The following PLPP3 variants were observed in gnomAD, a reference collection of about 807,000 sequenced individuals.
PLPP3 encodes the protein phospholipid phosphatase 3, also known as PAP2 beta.
Under a neutral mutation model 29.6 loss-of-function variants are expected in PLPP3, and 6 were observed. The observed-to-expected ratio is 0.20, with a 90% CI of 0.11 to 0.40. The LOEUF (loss-of-function observed/expected upper bound fraction) is 0.40. PLPP3 is among the 10% of genes least tolerant of loss of function. PLPP3 has a pLI of 1.00. For synonymous variants in PLPP3, 152 were observed against 159.7 expected, an observed-to-expected ratio of 0.95 and a Z score of 0.36; for missense variants, 308 against 407.7, an observed-to-expected ratio of 0.76 and a Z score of 2.11.
intron 5 of PLPP3, among the ~76,000 whole-genome samples, chr1:56,509,610 C>T (rs1386589349): frequency 7.2e-5 from 11 of 152,040 alleles, no homozygotes; most frequent in African/African-American, 2.4e-5. Flanking sequence ...GAGGCTGAGG[C>T]GGGCGGATCA....
chr1:56,525,580 T>C (rs1645847644), intron 2 of PLPP3, among the ~76,000 whole-genome samples: 1 of 152,116 alleles, frequency 6.6e-6, no homozygotes, highest in African/African-American at 2.4e-5. Context: ...TGATGTTCTG[T>C]AAGGTAAATG....
chr1:56,501,448 A>C (rs1484730140), intron 5 of PLPP3, among the ~76,000 whole-genome samples: 1 of 152,110 alleles, frequency 6.6e-6, no homozygotes, highest in Non-Finnish European at 1.5e-5. Context: ...ACTTTTATCT[A>C]ATTCCAAGAC....
At chr1:56,540,518 T>G (rs919120308) in intron 1 of PLPP3, among the ~76,000 whole-genome samples, 14 of 152,158 alleles carry the variant, frequency 9.2e-5, no homozygotes, top group African/African-American at 3.4e-4. Context: ...CTGAGAACAG[T>G]CCAAATCCTT....
chr1:56,526,606 G>A (rs1395864115), intron 2 of PLPP3, among the ~76,000 whole-genome samples: 1 of 152,012 alleles, frequency 6.6e-6, no homozygotes, highest in Non-Finnish European at 1.5e-5. Flanking sequence ...TTTTATGCAG[G>A]AGGAAGAGCA....
Position 56,579,552 on chromosome 1 carries a change from G to T in PLPP3, c.-536C>A. The T allele has an allele frequency of 6.0e-6, 1 of 166,062 alleles. No homozygotes were observed. The highest frequency in any genetic ancestry group is 1.3e-5 in the Non-Finnish European group (1 of 77,916). The allele number at this position is 166,062 out of a possible 1,614,324, so 10.3% of individuals were successfully genotyped here. On this transcript the variant is annotated 5_prime_UTR_variant, in exon 1 of 6. Transcript: ENST00000371250. ...CGGCGGCTGCTGCTGTGATCGCCTG[G>T]GTTTGTTTTCTGCACTTTTATTTCA...
At chr1:56,552,223 A>C (rs1314472604) in intron 1 of PLPP3, among the ~76,000 whole-genome samples, 2 of 77,876 alleles carry the variant, frequency 2.6e-5, no homozygotes, top group Admixed American at 2.7e-4. Context: ...AGGCACTTAT[A>C]AAAAAAAAAA....
chr1:56,572,043 G>GTT (rs375576842), intron 1 of PLPP3, among the ~76,000 whole-genome samples: 53,283 of 85,004 alleles, frequency 0.63, 17,991 homozygotes, highest in Non-Finnish European at 0.72. Context: ...ATCATTTCTG[G>GTT]TTTTTTTTTT....
chr1:56,546,408 C>A (rs1646006847), intron 1 of PLPP3, among the ~76,000 whole-genome samples: 1 of 152,132 alleles, frequency 6.6e-6, no homozygotes, highest in Non-Finnish European at 1.5e-5. Flanking sequence ...CTTGGGTAAA[C>A]CTATGAAAAT....
At chr1:56,513,851 T>C (rs955974642) in intron 4 of PLPP3, 1 of 152,038 alleles carries the variant, frequency 6.6e-6, no homozygotes, top group African/African-American at 2.4e-5. Flanking sequence ...AGAGCCTTTA[T>C]GGAATAAAGG....
Position 56,536,993 on chromosome 1 carries a change from C to G in PLPP3, c.259G>C (p.Val87Leu). The change falls in exon 2 of 6, where the codon GTG (valine) becomes CTG (leucine). Residue 87 changes from valine to leucine, a missense_variant. Val to Leu is a conservative substitution (Grantham distance 32, BLOSUM62 1). Transcript: ENST00000371250. ...ATGACGATCCCCACGGCACAGAGCA[C>G]AGCGTCATTTATTGTCTCACCAGTT... ...LKTGETINDA[V>L]LCAVGIVIAI... The G allele has an allele frequency of 3.7e-6, 6 of 1,613,788 alleles. No homozygotes were observed. The highest frequency in any genetic ancestry group is 5.1e-6 in the Non-Finnish European group (6 of 1,179,826).
chr1:56,552,283 C>T (rs1285654298), intron 1 of PLPP3, among the ~76,000 whole-genome samples: 1 of 151,546 alleles, frequency 6.6e-6, no homozygotes, highest in Non-Finnish European at 1.5e-5. Flanking sequence ...CCGGGCCCTG[C>T]CCAGATCTAC....
Position 56,537,036 on chromosome 1 carries a change from G to A in PLPP3, c.216C>T (p.Ser72=). The change falls in exon 2 of 6, where the codon AGC becomes AGT. Residue 72 remains serine (S), a synonymous_variant. Transcript: ENST00000371250. ...CACCAGTTTTCAGTGGGTACTTGATGCTCTCATCATTGCAGTAAAACCCTC... is the reference window on the plus strand; with the variant it reads ...CACCAGTTTTCAGTGGGTACTTGATACTCTCATCATTGCAGTAAAACCCTC... ...YHRGFYCNDE[S]IKYPLKTGET... is the part of the protein sequence containing the mutation. 6.2e-7 allele frequency: 1 copy of A among 1,613,746 alleles called. No individual in the cohort carries two copies. Among genetic ancestry groups the A allele is most frequent in the Middle Eastern group, 1.7e-4 (1 of 6,054 alleles).
At position 56,579,355 on chromosome 1, in the gene PLPP3, C is replaced by T; in HGVS notation, c.-339G>A. 1 of 286,532 alleles carries T rather than the reference C, an allele frequency of 3.5e-6. No homozygotes were observed. Among genetic ancestry groups the T allele is most frequent in the Non-Finnish European group, 6.5e-6 (1 of 153,148 alleles). The allele number at this position is 286,532 out of a possible 1,614,324, so 17.7% of individuals were successfully genotyped here. A position where few individuals can be genotyped will look rare whatever the true frequency, so the allele number is the denominator to read the frequency against. On this transcript the variant is annotated 5_prime_UTR_variant, in exon 1 of 6. Coordinates refer to ENST00000371250, the MANE Select transcript of PLPP3 (RefSeq NM_003713.5). ...GCGCGCGTCTGAGTGCGCGAGCGAGCGAGTGGGCAGCGCGGGCGCTCGGCC... is the reference window on the plus strand; with the variant it reads ...GCGCGCGTCTGAGTGCGCGAGCGAGTGAGTGGGCAGCGCGGGCGCTCGGCC...
intron 1 of PLPP3, among the ~76,000 whole-genome samples, chr1:56,570,078 T>G (rs139888079): frequency 6.6e-6 from 1 of 152,190 alleles, no homozygotes; most frequent in Non-Finnish European, 1.5e-5. Flanking sequence ...CTTAAGGCCA[T>G]GGAAACCCTG....
intron 5 of PLPP3, among the ~76,000 whole-genome samples, chr1:56,503,454 C>T (rs1430722167): frequency 3.3e-5 from 5 of 152,074 alleles, no homozygotes; most frequent in African/African-American, 7.2e-5. Flanking sequence ...TTTGGGAGGC[C>T]GAGGTGGGCG....
rs1455608902 is a variant in PLPP3, at chr1:56,496,139, C to T, written c.*412G>A. The T allele has an allele frequency of 2.9e-5, 5 of 170,218 alleles. No homozygotes were observed. Among genetic ancestry groups the T allele is most frequent in the South Asian group, 2.6e-4 (2 of 7,800 alleles). 10.5% of individuals were successfully genotyped at this position (170,218 alleles called of 1,614,324 possible). A position where few individuals can be genotyped will look rare whatever the true frequency, so the allele number is the denominator to read the frequency against. ...ACAGAAAGACTCAAGAGGGCAGCTCCGCAATGGCTATTTTCTTGATTCAGT... is the reference window on the plus strand; with the variant it reads ...ACAGAAAGACTCAAGAGGGCAGCTCTGCAATGGCTATTTTCTTGATTCAGT... On this transcript the variant is annotated 3_prime_UTR_variant, in exon 6 of 6. Coordinates refer to ENST00000371250, the MANE Select transcript of PLPP3 (RefSeq NM_003713.5).
intron 1 of PLPP3, among the ~76,000 whole-genome samples, chr1:56,572,147 T>A (rs946226255): frequency 7.2e-6 from 1 of 139,858 alleles, no homozygotes; most frequent in Non-Finnish European, 1.5e-5. Flanking sequence ...CCAACTGGGT[T>A]CCAGCAATTC....
Position 56,561,126 on chromosome 1 carries a change from C to T in PLPP3, c.139+17752G>A, listed in dbSNP as rs1048973420. Among the ~76,000 whole-genome samples, 3 of 151,712 alleles carry T rather than the reference C, an allele frequency of 2.0e-5. No individual in the cohort carries two copies. The South Asian group carries it at 6.3e-4, about 32-fold the overall frequency. ...CCTCCCAAAGTGCTGGGATTACAGG[C>T]GTGAGCCACTGCACCCGGCCCAGAG... On this transcript the variant is annotated intron_variant, in intron 1 of 5. Coordinates refer to ENST00000371250, the MANE Select transcript of PLPP3 (RefSeq NM_003713.5).
intron 1 of PLPP3, among the ~76,000 whole-genome samples, chr1:56,539,889 T>A (rs1325724742): frequency 6.6e-6 from 1 of 152,220 alleles, no homozygotes; most frequent in Non-Finnish European, 1.5e-5. Context: ...AAAGTTGAGC[T>A]GCAGTTGCTC....
Sources: gnomAD v4.1 joint callset for allele counts (sites outside exome capture counted in the v4.1 genomes callset) on GRCh38, gnomAD v4.1.1 for gene constraint, MANE v1.5 for transcripts, NCBI Gene and HGNC (gene_info 2026-07-23, HGNC 2026-07-21) for gene names.